The following USP34 variants were observed in gnomAD, a reference collection of about 807,000 sequenced individuals.
USP34 encodes ubiquitin specific peptidase 34.
USP34 carries 70 observed loss-of-function variants against 460.3 expected under a neutral mutation model. The observed-to-expected ratio is 0.15, with a 90% confidence interval of 0.13 to 0.19. The LOEUF (loss-of-function observed/expected upper bound fraction) is 0.19, where lower values mean the gene tolerates loss of function less well. Among genes scored for constraint, USP34 ranks in the 10% least tolerant of loss-of-function variants. The pLI is 1.00. For missense variants in USP34, 3,985 were observed against 4,236.2 expected (o/e 0.94, Z 1.65); for synonymous variants, 1,647 against 1,405.3 (o/e 1.17, Z -3.85).
At chr2:61,277,874 T>C (rs1689417748) in intron 41 of USP34, 1 of 300,888 alleles carries the variant, frequency 3.3e-6, no homozygotes, top group African/African-American at 2.2e-5. Context: ...TCTTGAGATC[T>C]GATGGTTTTA....
intron 6 of USP34, 94 bp from the exon 7 acceptor site, chr2:61,380,455 A>G (rs1692936967): frequency 1.5e-6 from 2 of 1,317,724 alleles, no homozygotes; most frequent in South Asian, 1.6e-5. Context: ...AAGCATTAAC[A>G]TTTTTTGTGT....
chr2:61,384,360 C>G (rs1010373852), intron 5 of USP34, among the ~76,000 whole-genome samples: 1 of 152,098 alleles, frequency 6.6e-6, no homozygotes, highest in African/African-American at 2.4e-5. Context: ...AGTCTTGACA[C>G]AGGCAGGAGA....
intron 1 of USP34, among the ~76,000 whole-genome samples, chr2:61,453,118 A>G (rs1695333552): frequency 6.6e-6 from 1 of 152,094 alleles, no homozygotes; most frequent in Non-Finnish European, 1.5e-5. Flanking sequence ...ACCCTTAAAT[A>G]ATTACATCTA....
chr2:61,423,453 A>T (rs1694420545), intron 1 of USP34, among the ~76,000 whole-genome samples: 2 of 152,204 alleles, frequency 1.3e-5, no homozygotes, highest in South Asian at 4.1e-4. Flanking sequence ...AAAAAAATCC[A>T]TTTGCATCAG....
rs192431275 is a variant in USP34 at position 61,429,980 on chromosome 2, G to A, written c.44-9147C>T. 2.6e-4 allele frequency among the ~76,000 whole-genome samples: 40 copies of A among 152,266 alleles called. 1 individual carries two copies. In the East Asian group the frequency reaches 7.5e-3, roughly 29 times the overall value. ...TGTAATCCCAGCACTTTGGGAGGCC[G>A]AGGCGGGTGGATCACGAGGTCAGGA... is the stretch of plus-strand genomic sequence containing the variant. On this transcript the variant is annotated intron_variant, in intron 1 of 79. Transcript: ENST00000398571.
At chr2:61,336,371 C>A (rs1387831051) in intron 18 of USP34, among the ~76,000 whole-genome samples, 2 of 151,914 alleles carry the variant, frequency 1.3e-5, no homozygotes, top group East Asian at 3.9e-4. Context: ...AATAGATGCC[C>A]CATCTCACCC....
intron 1 of USP34, among the ~76,000 whole-genome samples, chr2:61,429,765 A>C (rs1179874820): frequency 6.6e-6 from 1 of 152,250 alleles, no homozygotes; most frequent in Non-Finnish European, 1.5e-5. Flanking sequence ...TAAGTAGTAC[A>C]TAAAGTTTAT....
chr2:61,377,753 G>A (rs1265314483), intron 8 of USP34, among the ~76,000 whole-genome samples: 4 of 152,204 alleles, frequency 2.6e-5, no homozygotes, highest in Non-Finnish European at 5.9e-5. Flanking sequence ...CTTTGTTACA[G>A]CAGCCTGGAC....
chr2:61,188,585 A>T lies in USP34; in HGVS notation c.10158T>A (p.Ser3386=). The change falls in exon 80 of 80, where the codon TCT becomes TCA. Residue 3386 remains serine, a synonymous_variant. Transcript: ENST00000398571. ...TREVLTPTST[S]DNETRDSSII... ...TTGAGGAGTCTCTGGTCTCATTGTC[A>T]GAAGTGCTCGTTGGGGTCAGGACCT... 1 of 1,614,226 alleles carries T rather than the reference A, an allele frequency of 6.2e-7. No homozygotes were observed. The highest frequency in any genetic ancestry group is 8.5e-7 in the Non-Finnish European group (1 of 1,180,032).
At chr2:61,339,737 T>C (rs1322363096) in intron 16 of USP34, 56 bp from the exon 17 acceptor site, 2 of 928,332 alleles carry the variant, frequency 2.2e-6, no homozygotes, top group African/African-American at 1.7e-5. Flanking sequence ...TGACTGATTA[T>C]AGCATTCATA....
rs938146787 is a variant in USP34 at position 61,284,807 on chromosome 2, A to C, written c.4832+68T>G. The C allele has an allele frequency of 7.1e-5, 93 of 1,305,902 alleles. No individual in the cohort carries two copies. The Middle Eastern group carries it at 1.1e-3, about 15-fold the overall frequency. 80.9% of individuals were successfully genotyped at this position (1,305,902 alleles called of 1,614,324 possible). Reference sequence around the variant, plus strand: ...TTTCTATTAAGTTTAGAATTTTTCAAAATAAAGTTTTAAAACATTATATTC... The same window carrying C: ...TTTCTATTAAGTTTAGAATTTTTCACAATAAAGTTTTAAAACATTATATTC... On this transcript the variant is annotated intron_variant, in intron 35 of 79. Coordinates refer to ENST00000398571, the MANE Select transcript of USP34 (RefSeq NM_014709.4).
chr2:61,339,388 A>C lies in USP34; in HGVS notation c.2707T>G (p.Phe903Val), dbSNP rs1691519664. 2 of 1,609,392 alleles carry C rather than the reference A, an allele frequency of 1.2e-6. No individual in the cohort carries two copies. The highest frequency in any genetic ancestry group is 1.7e-6 in the Non-Finnish European group (2 of 1,178,296). ...AAGTTTTCAAGGCAACCTTCAATGA[A>C]TCTCATTCGAATTTGTCTATCTGTA... ...WFTDRQIRMR[F>V]IEGCLENLGN... is the part of the protein sequence containing the mutation. Residue 903 changes from phenylalanine to valine, a missense_variant, in exon 18 of 80, where the codon TTC (phenylalanine) becomes GTC (valine). Phe to Val is a conservative substitution (Grantham distance 50). Coordinates refer to ENST00000398571, the MANE Select transcript of USP34 (RefSeq NM_014709.4).
intron 2 of USP34, among the ~76,000 whole-genome samples, 184 bp downstream of exon 2, chr2:61,420,562 C>T (rs1573023995): frequency 6.6e-6 from 1 of 152,016 alleles, no homozygotes. Flanking sequence ...ATATTTATGC[C>T]CATGTTTTAA....
chr2:61,393,429 TAAAAAAAA>T (rs33954205), intron 5 of USP34, among the ~76,000 whole-genome samples: 2 of 129,888 alleles, frequency 1.5e-5, no homozygotes, highest in Non-Finnish European at 3.2e-5. Context: ...AGACTCCGTC[TAAAAAAAA>T]AAAAAAAAAG....
At chr2:61,219,282 T>C (rs577613060) in intron 67 of USP34, among the ~76,000 whole-genome samples, 3 of 152,328 alleles carry the variant, frequency 2.0e-5, no homozygotes, top group Middle Eastern at 6.8e-3. Context: ...CTATAGGATA[T>C]TCCACACACA....
chr2:61,447,717 T>C (rs1573052291), intron 1 of USP34, among the ~76,000 whole-genome samples: 2 of 151,796 alleles, frequency 1.3e-5, no homozygotes, highest in African/African-American at 2.4e-5. Flanking sequence ...GGTTTTTTCT[T>C]TTATTTATTT....
chr2:61,431,265 C>G (rs1232491891), intron 1 of USP34, among the ~76,000 whole-genome samples: 1 of 152,176 alleles, frequency 6.6e-6, no homozygotes, highest in East Asian at 1.9e-4. Context: ...CTCTGTCACT[C>G]AGGCTGGAAT....
intron 18 of USP34, 107 bp from the exon 19 acceptor site, chr2:61,334,078 A>G: frequency 1.5e-6 from 1 of 661,798 alleles, no homozygotes; most frequent in Non-Finnish European, 2.3e-6. Context: ...TTGCATAGAG[A>G]CATATTATTA....
chr2:61,277,229 TAG>T (rs1689397669), intron 41 of USP34, among the ~76,000 whole-genome samples: 2 of 146,936 alleles, frequency 1.4e-5, no homozygotes, highest in Middle Eastern at 3.4e-3. Context: ...TGATAAAATA[TAG>T]GTTACCTTTT....
Sources: gnomAD v4.1 joint callset for allele counts (sites outside exome capture counted in the v4.1 genomes callset) on GRCh38, gnomAD v4.1.1 for gene constraint, MANE v1.5 for transcripts, NCBI Gene and HGNC (gene_info 2026-07-23, HGNC 2026-07-21) for gene names.